Variants in KIF2A observed in about 807,000 individuals in gnomAD.
The protein encoded by KIF2A is kinesin-like protein KIF2A.
KIF2A carries 22 observed loss-of-function variants against 100.2 expected under a neutral mutation model. That is an observed-to-expected ratio of 0.22 (90% CI 0.16 to 0.31). KIF2A has a LOEUF of 0.31. Ranked by LOEUF, KIF2A falls within the 10% of genes least tolerant of loss-of-function variation. The pLI is 1.00. For synonymous variants in KIF2A, 268 were observed against 285.9 expected, an observed-to-expected ratio of 0.94 and a Z score of 0.63; for missense variants, 495 against 898.7, an observed-to-expected ratio of 0.55 and a Z score of 5.74.
chr5:62,336,955 A>G (rs1218842240), intron 1 of KIF2A, among the ~76,000 whole-genome samples: 2 of 152,254 alleles, frequency 1.3e-5, no homozygotes. Context: ...GGCATTAAAC[A>G]GATATGAACT....
At position 62,363,688 on chromosome 5, in the gene KIF2A, A is replaced by C. The variant is rs200131851; in HGVS notation, c.1263-7A>C. The C allele has an allele frequency of 1.2e-6, 2 of 1,611,302 alleles. No homozygotes were observed. Among genetic ancestry groups the C allele is most frequent in the East Asian group, 2.2e-5 (1 of 44,864 alleles). On this transcript the variant is annotated splice_region_variant and splice_polypyrimidine_tract_variant and intron_variant, in intron 13 of 20. Coordinates refer to ENST00000407818, the MANE Select transcript of KIF2A (RefSeq NM_001098511.3). The stretch of plus-strand genomic sequence containing the variant: ...AATGTATCAAGATGTCCTTAATCAC[A>C]TTGTAGAACATCCGGTCAAACATCT...
intron 16 of KIF2A, among the ~76,000 whole-genome samples, chr5:62,367,609 A>C (rs1245606869): frequency 6.6e-6 from 1 of 152,172 alleles, no homozygotes; most frequent in Non-Finnish European, 1.5e-5. Flanking sequence ...TATTCATATT[A>C]ATAGTCTTAT....
chr5:62,318,382 T>G (rs1203005008), intron 1 of KIF2A, among the ~76,000 whole-genome samples: 1 of 152,150 alleles, frequency 6.6e-6, no homozygotes, highest in Non-Finnish European at 1.5e-5. Context: ...CGCCCGGCCA[T>G]AAATTTATTT....
chr5:62,331,410 TAA>T (rs201132551), intron 1 of KIF2A, among the ~76,000 whole-genome samples: 3 of 134,926 alleles, frequency 2.2e-5, no homozygotes, highest in East Asian at 2.1e-4. Context: ...AGACTATGTC[TAA>T]AAAAAAAAAA....
At chr5:62,345,796 T>G (rs1747535842) in intron 1 of KIF2A, among the ~76,000 whole-genome samples, 1 of 152,140 alleles carries the variant, frequency 6.6e-6, no homozygotes, top group Non-Finnish European at 1.5e-5. Flanking sequence ...ATAAATTATC[T>G]TAAGATAAAT....
At chr5:62,382,634 GTTTT>G (rs35714674) in intron 20 of KIF2A, among the ~76,000 whole-genome samples, 4 of 134,800 alleles carry the variant, frequency 3.0e-5, no homozygotes, top group African/African-American at 8.3e-5. Flanking sequence ...CAGGTTTCAG[GTTTT>G]TTTTTTTTTT....
intron 16 of KIF2A, among the ~76,000 whole-genome samples, chr5:62,367,087 A>C (rs1355047719): frequency 6.6e-6 from 1 of 152,162 alleles, no homozygotes; most frequent in African/African-American, 2.4e-5. Flanking sequence ...AAATCATGCA[A>C]ATTCTTCTTA....
At chr5:62,375,304 AT>A (rs1741492175) in intron 18 of KIF2A, among the ~76,000 whole-genome samples, 4 of 152,220 alleles carry the variant, frequency 2.6e-5, no homozygotes, top group Admixed American at 2.6e-4. Context: ...AAGTCTTATC[AT>A]GGCATTTTCT....
At chr5:62,354,500 C>T (rs1748002569) in intron 6 of KIF2A, among the ~76,000 whole-genome samples, 1 of 152,064 alleles carries the variant, frequency 6.6e-6, no homozygotes. Flanking sequence ...TTGACTATTG[C>T]TATTTGTATC....
intron 1 of KIF2A, among the ~76,000 whole-genome samples, chr5:62,323,093 C>G (rs1445692575): frequency 6.6e-6 from 1 of 151,492 alleles, no homozygotes; most frequent in African/African-American, 2.4e-5. Context: ...CTCATCTCTG[C>G]TAAAAATTCA....
chr5:62,370,810 A>G (rs1173682193), intron 16 of KIF2A, among the ~76,000 whole-genome samples: 1 of 152,150 alleles, frequency 6.6e-6, no homozygotes, highest in Non-Finnish European at 1.5e-5. Context: ...GTTTTTAGTA[A>G]CATGTTTGAA....
intron 4 of KIF2A, among the ~76,000 whole-genome samples, chr5:62,351,387 T>G (rs1040223843): frequency 6.6e-6 from 1 of 152,250 alleles, no homozygotes; most frequent in African/African-American, 2.4e-5. Flanking sequence ...AGTCAATTAG[T>G]TGGCTGATTT....
At chr5:62,356,868 C>T (rs1165267547) in intron 7 of KIF2A, among the ~76,000 whole-genome samples, 1 of 151,674 alleles carries the variant, frequency 6.6e-6, no homozygotes, top group Non-Finnish European at 1.5e-5. Context: ...TCACTACAAC[C>T]TCCACCTCCA....
In KIF2A at chr5:62,365,236, T is replaced by C; in HGVS notation, c.1468-7T>C. Reference sequence around the variant, plus strand: ...TAATCTGTGAGACTTGTTTTCTTAATTTTCAGGAGTGCATCAGAGCCTTAG... The same window carrying C: ...TAATCTGTGAGACTTGTTTTCTTAACTTTCAGGAGTGCATCAGAGCCTTAG... On this transcript the variant is annotated splice_polypyrimidine_tract_variant and splice_region_variant and intron_variant, in intron 14 of 20. Coordinates refer to ENST00000407818, the MANE Select transcript of KIF2A (RefSeq NM_001098511.3). The C allele has an allele frequency of 1.4e-6, 2 of 1,465,008 alleles. No individual in the cohort carries two copies. Among genetic ancestry groups the C allele is most frequent in the African/African-American group, 1.4e-5 (1 of 70,226 alleles). 90.8% of individuals were successfully genotyped at this position (1,465,008 alleles called of 1,614,324 possible).
chr5:62,313,037 G>T (rs1198676855), intron 1 of KIF2A, among the ~76,000 whole-genome samples: 1 of 151,756 alleles, frequency 6.6e-6, no homozygotes, highest in Non-Finnish European at 1.5e-5. Flanking sequence ...AGATTTCATT[G>T]AATATACTTC....
In KIF2A at chr5:62,314,764, T is replaced by TTTG. The variant is rs1554038389; in HGVS notation, c.64+8230_64+8231insGTT. ...ACTGTGCTGAGAATGAACTGTTTTT[T>TTTG]TTTTTTTTTTTTTTTTAAGATGGAG... is the stretch of plus-strand genomic sequence containing the variant. On this transcript the variant is annotated intron_variant, in intron 1 of 20. Transcript: ENST00000407818. Among the ~76,000 whole-genome samples the TTTG allele has an allele frequency of 2.0e-5, 3 of 146,488 alleles. No individual in the cohort carries two copies. The Admixed American group carries it at 2.1e-4, about 10-fold the overall frequency.
At position 62,319,190 on chromosome 5, in the gene KIF2A, A is replaced by AAC. The variant is rs1561248861; in HGVS notation, c.64+12655_64+12656insCA. Among the ~76,000 whole-genome samples, 746 of 135,434 alleles carry AAC rather than the reference A, an allele frequency of 5.5e-3. 4 individuals carry two copies. Among genetic ancestry groups the AAC allele is most frequent in the African/African-American group, 0.018 (696 of 38,178 alleles). 88.8% of individuals were successfully genotyped at this position (135,434 alleles called of 152,430 possible). On this transcript the variant is annotated intron_variant, in intron 1 of 20. Coordinates refer to ENST00000407818, the MANE Select transcript of KIF2A (RefSeq NM_001098511.3). ...ACAACAACAACAACAACAACAACAA[A>AAC]AAACCCAAAACAATAATTTGGTTAA...
At chr5:62,368,367 G>GT (rs1414875222) in intron 16 of KIF2A, among the ~76,000 whole-genome samples, 4 of 151,356 alleles carry the variant, frequency 2.6e-5, no homozygotes, top group African/African-American at 7.3e-5. Flanking sequence ...AACCCCCCGG[G>GT]TTTTTTTTGC....
chr5:62,370,718 A>G (rs943933913), intron 16 of KIF2A, among the ~76,000 whole-genome samples: 1 of 152,194 alleles, frequency 6.6e-6, no homozygotes. Flanking sequence ...TCTATCCTGA[A>G]GCAGAGATAC....
Sources: allele counts gnomAD v4.1 joint callset (sites outside exome capture counted in the v4.1 genomes callset), GRCh38; gene constraint gnomAD v4.1.1; transcripts MANE v1.5; gene names NCBI Gene and HGNC (gene_info 2026-07-23, HGNC 2026-07-21).